The following RAD51B variants were observed in gnomAD, a reference collection of about 807,000 sequenced individuals.
RAD51B encodes the protein RAD51 paralog B, also known as DNA repair protein RAD51 homolog 2.
A neutral mutation model predicts 42.2 loss-of-function variants in RAD51B; 38 were observed. The observed-to-expected ratio is 0.90, with a 90% confidence interval of 0.70 to 1.18. The LOEUF (loss-of-function observed/expected upper bound fraction) is 1.18, where lower values mean the gene tolerates loss of function less well. RAD51B is among the 50% of genes most tolerant of loss of function. The pLI, the probability that RAD51B is intolerant of heterozygous loss-of-function variation, is 0.00. For synonymous variants in RAD51B, 154 were observed against 145.2 expected (o/e 1.06, Z -0.43); for missense variants, 373 against 400.7 (o/e 0.93, Z 0.59).
chr14:67,854,010 C>T (rs972767651), intron 4 of RAD51B, among the ~76,000 whole-genome samples: 1 of 152,162 alleles, frequency 6.6e-6, no homozygotes, highest in Non-Finnish European at 1.5e-5. Context: ...CAGCAAACAC[C>T]TTAAAGTTTG....
intron 7 of RAD51B, among the ~76,000 whole-genome samples, chr14:68,093,319 C>T (rs1238795612): frequency 6.6e-6 from 1 of 152,160 alleles, no homozygotes; most frequent in Admixed American, 6.5e-5. Flanking sequence ...GGCTGTGAAT[C>T]CATCTGGTCC....
downstream of RAD51B, among the ~76,000 whole-genome samples, chr14:68,600,701 T>C (rs1038143305): frequency 1.3e-5 from 2 of 152,176 alleles, no homozygotes; most frequent in Admixed American, 6.5e-5. Context: ...TCATGCCTTA[T>C]ATTTATAAAG....
At chr14:68,661,402 C>A (rs1224741595) in intron 11 of RAD51B, among the ~76,000 whole-genome samples, 1 of 152,106 alleles carries the variant, frequency 6.6e-6, no homozygotes, top group Non-Finnish European at 1.5e-5. Flanking sequence ...GGGGTCTGCA[C>A]CAGGGGTTGA....
chr14:68,093,348 T>C (rs1439183662), intron 7 of RAD51B, among the ~76,000 whole-genome samples: 1 of 152,240 alleles, frequency 6.6e-6, no homozygotes, highest in Non-Finnish European at 1.5e-5. Context: ...TTTTGGTTGG[T>C]AAGCTATTAA....
chr14:68,272,635 TTATATATATATATATATA>T (rs1196934518), intron 7 of RAD51B, among the ~76,000 whole-genome samples: 16 of 19,854 alleles, frequency 8.1e-4, no homozygotes, highest in South Asian at 2.7e-3. Context: ...TATAAACACT[TTATATATATATATATATA>T]TATATATATA....
intron 7 of RAD51B, among the ~76,000 whole-genome samples, chr14:68,286,546 G>A (rs551994914): frequency 2.6e-4 from 40 of 152,208 alleles, no homozygotes; most frequent in African/African-American, 7.9e-4. Context: ...TTCAGGCCTG[G>A]CCATTTCCCA....
intron 7 of RAD51B, among the ~76,000 whole-genome samples, chr14:67,914,730 T>C (rs1211318663): frequency 6.6e-6 from 1 of 152,208 alleles, no homozygotes. Context: ...TTTACCTCCT[T>C]GTCAGAGTTT....
chr14:68,405,450 A>G (rs555980893), intron 8 of RAD51B, among the ~76,000 whole-genome samples: 79 of 152,336 alleles, frequency 5.2e-4, no homozygotes, highest in Middle Eastern at 3.4e-3. Context: ...CTCTAAAAAA[A>G]AATTTAAAAA....
At position 68,371,036 on chromosome 14, in the gene RAD51B, CAA is replaced by C. The variant is rs75617123; in HGVS notation, c.854-40370_854-40369del. On this transcript the variant is annotated intron_variant, in intron 8 of 10. Coordinates refer to ENST00000471583, the MANE Select transcript of RAD51B (RefSeq NM_133510.4). ...TGGGCAACAGAGCAAGACTCTGTCTCAAAAAAAAAAAAAAAAAAAGAAAAAAA... is the reference window on the plus strand; with the variant it reads ...TGGGCAACAGAGCAAGACTCTGTCTCAAAAAAAAAAAAAAAAAGAAAAAAA... 8.8e-4 allele frequency among the ~76,000 whole-genome samples: 23 copies of C among 26,100 alleles called. 1 individual carries two copies. Among genetic ancestry groups the C allele is most frequent in the Non-Finnish European group, 1.3e-3 (21 of 16,342 alleles). 17.1% of individuals were successfully genotyped at this position (26,100 alleles called of 152,430 possible). A position where few individuals can be genotyped will look rare whatever the true frequency, so the allele number is the denominator to read the frequency against.
In RAD51B at chr14:68,568,455, T is replaced by G. The variant is rs2140034618; in HGVS notation, c.1037-26030T>G. On this transcript the variant is annotated intron_variant, in intron 10 of 10. Transcript: ENST00000487270. ...TGCCTGTGGTCCCCAAGCAAACCTG[T>G]ACCAGACCATTGGCATGATAGGATT... Among the ~76,000 whole-genome samples, 2 of 152,306 alleles carry G rather than the reference T, an allele frequency of 1.3e-5. 1 individual carries two copies. The highest frequency in any genetic ancestry group is 4.1e-4 in the South Asian group (2 of 4,828).
In RAD51B at chr14:67,938,535, G is replaced by GC. The variant is rs142542769; in HGVS notation, c.756+51336dup. Among the ~76,000 whole-genome samples, 706 of 152,272 alleles carry GC rather than the reference G, an allele frequency of 4.6e-3. 9 individuals carry two copies. The highest frequency in any genetic ancestry group is 0.016 in the African/African-American group (674 of 41,568). On this transcript the variant is annotated intron_variant, in intron 7 of 10. Transcript: ENST00000471583. ...GCGTAGGCCTATCCTTTAGAACATA[G>GC]CCCCCAAGAGAATTGTGTTCCATAC...
intron 10 of RAD51B, among the ~76,000 whole-genome samples, chr14:68,536,522 A>G (rs1327855530): frequency 2.0e-5 from 3 of 152,240 alleles, no homozygotes; most frequent in Non-Finnish European, 4.4e-5. Flanking sequence ...ATGCTTTTGC[A>G]TGATTACCTC....
chr14:68,475,622 G>T (rs1882508730), intron 10 of RAD51B, among the ~76,000 whole-genome samples: 1 of 152,020 alleles, frequency 6.6e-6, no homozygotes, highest in East Asian at 1.9e-4. Flanking sequence ...GGCAGGGCAT[G>T]AACTTGGGTC....
chr14:68,665,464 A>G (rs1019586539), intron 11 of RAD51B, among the ~76,000 whole-genome samples: 9 of 152,376 alleles, frequency 5.9e-5, no homozygotes, highest in South Asian at 4.1e-4. Flanking sequence ...TGAAGTGGAA[A>G]CATCACTTTA....
chr14:68,389,513 C>T (rs1250519256), intron 8 of RAD51B, among the ~76,000 whole-genome samples: 4 of 152,180 alleles, frequency 2.6e-5, no homozygotes, highest in Non-Finnish European at 5.9e-5. Flanking sequence ...AATCCTACTA[C>T]ATTAATATGT....
chr14:67,978,241 C>G (rs1056668148), intron 7 of RAD51B, among the ~76,000 whole-genome samples: 4 of 151,938 alleles, frequency 2.6e-5, no homozygotes, highest in African/African-American at 9.7e-5. Flanking sequence ...GCCAAGATTC[C>G]TGTCTTTAGT....
chr14:68,381,917 A>G (rs975660143), intron 8 of RAD51B, among the ~76,000 whole-genome samples: 32 of 152,188 alleles, frequency 2.1e-4, no homozygotes, highest in African/African-American at 7.2e-4. Context: ...CACAGTTTCT[A>G]TCACTCCACC....
At chr14:67,925,370 T>G (rs2044469021) in intron 7 of RAD51B, among the ~76,000 whole-genome samples, 1 of 152,072 alleles carries the variant, frequency 6.6e-6, no homozygotes, top group South Asian at 2.1e-4. Flanking sequence ...CCTCCTGAGT[T>G]CAAGCAATTC....
chr14:67,966,859 C>T (rs1483314013), intron 7 of RAD51B, among the ~76,000 whole-genome samples: 1 of 152,086 alleles, frequency 6.6e-6, no homozygotes, highest in Admixed American at 6.5e-5. Context: ...TTCTTACATA[C>T]AGTATTATAT....
Sources: allele counts gnomAD v4.1 joint callset (sites outside exome capture counted in the v4.1 genomes callset), GRCh38; gene constraint gnomAD v4.1.1; transcripts MANE v1.5; gene names NCBI Gene and HGNC (gene_info 2026-07-23, HGNC 2026-07-21).